Variants in FHOD3 observed in about 807,000 individuals in gnomAD.
FHOD3 encodes the protein formin homology 2 domain containing 3.
Under a neutral mutation model 173.0 loss-of-function variants are expected in FHOD3, and 90 were observed. That is an observed-to-expected ratio of 0.52 (90% confidence interval 0.44 to 0.62). The LOEUF (loss-of-function observed/expected upper bound fraction) is 0.62, where lower values mean the gene tolerates loss of function less well. Among genes scored for constraint, FHOD3 ranks in the 20% least tolerant of loss-of-function variants. FHOD3 has a pLI of 0.00. For synonymous variants in FHOD3, 828 were observed against 823.0 expected, an observed-to-expected ratio of 1.01 and a Z score of -0.10; for missense variants, 1,945 against 2,034.7, an observed-to-expected ratio of 0.96 and a Z score of 0.85.
intron 20 of FHOD3, among the ~76,000 whole-genome samples, chr18:36,739,999 A>T (rs1360694947): frequency 6.6e-6 from 1 of 152,208 alleles, no homozygotes; most frequent in Non-Finnish European, 1.5e-5. Context: ...GTAGGAGTAG[A>T]CATGAGAATT....
intron 3 of FHOD3, among the ~76,000 whole-genome samples, chr18:36,428,288 G>A (rs2050357482): frequency 6.6e-6 from 1 of 152,148 alleles, no homozygotes; most frequent in Non-Finnish European, 1.5e-5. Context: ...GAGTCCTCTA[G>A]CATTTCTAAA....
At chr18:36,311,414 C>A (rs878896685) in intron 1 of FHOD3, among the ~76,000 whole-genome samples, 1 of 152,126 alleles carries the variant, frequency 6.6e-6, no homozygotes. Flanking sequence ...TAAATGACAC[C>A]AAGGGCTGGC....
intron 5 of FHOD3, among the ~76,000 whole-genome samples, chr18:36,530,640 C>T (rs1268739909): frequency 1.3e-5 from 2 of 152,116 alleles, no homozygotes; most frequent in Admixed American, 6.5e-5. Context: ...AGGTAATATC[C>T]AGGTTTTTTG....
Position 36,602,702 on chromosome 18 carries a change from A to C in FHOD3, c.747A>C (p.Glu249Asp), listed in dbSNP as rs1372215414. 24 of 1,614,064 alleles carry C rather than the reference A, an allele frequency of 1.5e-5. No homozygotes were observed. Among genetic ancestry groups the C allele is most frequent in the Non-Finnish European group, 1.9e-5 (23 of 1,180,026 alleles). The change falls in exon 8 of 29, where the codon GAA becomes GAC. Residue 249 changes from glutamate (E) to aspartate (D), a missense_variant. Around this residue, in one of 5 missense-constraint regions of FHOD3, gnomAD observed 1,099 missense variants for 1,051.2 expected, o/e 1.05. Transcript: ENST00000590592. ...RGVKPWSNIM[E>D]ILEEKDGVDT... ...TCAAACCTTGGTCAAATATCATGGAAATCCTGGAGGAAAAAGATGGAGTTG... is the reference window on the plus strand; with the variant it reads ...TCAAACCTTGGTCAAATATCATGGACATCCTGGAGGAAAAAGATGGAGTTG...
At position 36,779,548 on chromosome 18, in the gene FHOD3, C is replaced by A. The variant is rs373501105; in HGVS notation, c.*18C>A. On this transcript the variant is annotated 3_prime_UTR_variant, in exon 29 of 29. Coordinates refer to ENST00000590592, the MANE Select transcript of FHOD3 (RefSeq NM_001281740.3). ...AGCTGTGACACTCATAGGTTACTCC[C>A]AGGAGTGTGCTGAGCAGAAGGCAAG... 1 of 1,611,498 alleles carries A rather than the reference C, an allele frequency of 6.2e-7. No homozygotes were observed. The highest frequency in any genetic ancestry group is 1.7e-5 in the Admixed American group (1 of 60,012).
chr18:36,699,033 GAGACCCTATCTTCTAAGAGA>G (rs1260313850), intron 17 of FHOD3, among the ~76,000 whole-genome samples: 11 of 152,134 alleles, frequency 7.2e-5, no homozygotes, highest in Admixed American at 3.3e-4. Context: ...TTGCTCTAGG[GAGACCCTATCTTCTAAGAGA>G]AGACCCTGTC....
rs1254687223 is a variant in FHOD3, at chr18:36,754,984, T to TATA, written c.4233-133_4233-132insAAT. 2.3e-3 allele frequency: 407 copies of TATA among 175,750 alleles called. 11 individuals are homozygous for TATA. The East Asian group carries it at 0.041, about 18-fold the overall frequency. 10.9% of individuals were successfully genotyped at this position (175,750 alleles called of 1,614,324 possible). ...TGTGGCTTGTTGGTTTCTTTATTAT[T>TATA]ATTATTATTATTATTATTATTATTA... On this transcript the variant is annotated intron_variant, in intron 24 of 28. Coordinates refer to ENST00000590592, the MANE Select transcript of FHOD3 (RefSeq NM_001281740.3).
At chr18:36,392,357 T>C (rs1021217052) in intron 3 of FHOD3, among the ~76,000 whole-genome samples, 6 of 152,216 alleles carry the variant, frequency 3.9e-5, no homozygotes, top group African/African-American at 1.4e-4. Context: ...TGTGGGATTA[T>C]AGTGAGAGCC....
chr18:36,380,563 T>TTTCCTTTCCTTTCCTTTCC (rs1568196019), intron 3 of FHOD3, among the ~76,000 whole-genome samples: 6 of 86,746 alleles, frequency 6.9e-5, no homozygotes, highest in East Asian at 1.4e-3. Context: ...TTTTCTTTTC[T>TTTCCTTTCCTTTCCTTTCC]TTTCTTTTCT....
intron 5 of FHOD3, among the ~76,000 whole-genome samples, chr18:36,529,589 C>T (rs1005286970): frequency 1.2e-4 from 18 of 151,786 alleles, no homozygotes; most frequent in South Asian, 6.2e-4. Context: ...GAGGCTGAGG[C>T]GGGTGGATCA....
chr18:36,573,965 C>T (rs2058553463), intron 5 of FHOD3, among the ~76,000 whole-genome samples: 1 of 152,146 alleles, frequency 6.6e-6, no homozygotes, highest in Non-Finnish European at 1.5e-5. Flanking sequence ...TACGTGCTCA[C>T]CCACCCTGGC....
intron 1 of FHOD3, among the ~76,000 whole-genome samples, chr18:36,312,386 G>A (rs966431871): frequency 6.6e-6 from 1 of 152,086 alleles, no homozygotes; most frequent in East Asian, 1.9e-4. Flanking sequence ...ACCCCCTAGA[G>A]CTGACCCCTG....
chr18:36,413,511 G>A lies in FHOD3; in HGVS notation c.337+40767G>A, dbSNP rs960672997. 2.6e-5 allele frequency among the ~76,000 whole-genome samples: 4 copies of A among 152,190 alleles called. No individual in the cohort carries two copies. In the East Asian group the frequency reaches 7.7e-4, roughly 29 times the overall value. Reference sequence around the variant, plus strand: ...CCATGCTGCTCAGCAGGCCTGGCATGACCATGTCTGCTTTCCTTGTGGATT... The same window carrying A: ...CCATGCTGCTCAGCAGGCCTGGCATAACCATGTCTGCTTTCCTTGTGGATT... On this transcript the variant is annotated intron_variant, in intron 3 of 28. Transcript: ENST00000590592.
At chr18:36,456,380 G>A (rs2052215051) in intron 3 of FHOD3, among the ~76,000 whole-genome samples, 1 of 152,122 alleles carries the variant, frequency 6.6e-6, no homozygotes, top group Admixed American at 6.5e-5. Flanking sequence ...TTAGGGGTTT[G>A]TAGCCTGGAT....
At chr18:36,526,810 A>G (rs2056538022) in intron 5 of FHOD3, among the ~76,000 whole-genome samples, 2 of 152,264 alleles carry the variant, frequency 1.3e-5, no homozygotes, top group African/African-American at 2.4e-5. Flanking sequence ...TTCTTGTGTA[A>G]GCAAACAGCA....
chr18:36,429,727 G>A (rs764608290), intron 3 of FHOD3, among the ~76,000 whole-genome samples: 1 of 152,230 alleles, frequency 6.6e-6, no homozygotes, highest in Non-Finnish European at 1.5e-5. Flanking sequence ...CCGCACCCAT[G>A]AAGCTGTGTG....
At chr18:36,764,593 A>G (rs1209254726) in intron 27 of FHOD3, among the ~76,000 whole-genome samples, 1 of 152,156 alleles carries the variant, frequency 6.6e-6, no homozygotes, top group Non-Finnish European at 1.5e-5. Flanking sequence ...GTAATAGAAC[A>G]TAAATAGGTT....
chr18:36,308,196 C>T (rs2092153898), intron 1 of FHOD3, among the ~76,000 whole-genome samples: 1 of 152,218 alleles, frequency 6.6e-6, no homozygotes, highest in Admixed American at 6.5e-5. Flanking sequence ...TGCTATAATA[C>T]ATACCTGCAG....
At chr18:36,311,850 C>G (rs62101307) in intron 1 of FHOD3, among the ~76,000 whole-genome samples, 8,455 of 152,330 alleles carry the variant, frequency 0.056, 322 homozygotes, top group South Asian at 0.17. Flanking sequence ...TGCGCCCCTT[C>G]TTCTGGCAAT....
Sources: gnomAD v4.1 joint callset for allele counts (sites outside exome capture counted in the v4.1 genomes callset) on GRCh38, gnomAD v4.1.1 for gene constraint, gnomAD v4.1.1 regional missense constraint, MANE v1.5 for transcripts, NCBI Gene and HGNC (gene_info 2026-07-23, HGNC 2026-07-21) for gene names.